GALNT13: variants seen among roughly 807,000 people sequenced by gnomAD.
GALNT13 encodes polypeptide N-acetylgalactosaminyltransferase 13.
A neutral mutation model predicts 64.2 loss-of-function variants in GALNT13; 28 were observed. That is an observed-to-expected ratio of 0.44 (90% CI 0.32 to 0.60). GALNT13 has a LOEUF of 0.60. Among genes scored for constraint, GALNT13 ranks in the 20% least tolerant of loss-of-function variants. GALNT13 has a pLI of 0.05. For synonymous variants in GALNT13, 214 were observed against 224.6 expected, an observed-to-expected ratio of 0.95 and a Z score of 0.42; for missense variants, 577 against 669.8, an observed-to-expected ratio of 0.86 and a Z score of 1.53.
At chr2:154,358,612 T>C (rs1350765145) in intron 9 of GALNT13, among the ~76,000 whole-genome samples, 2 of 152,078 alleles carry the variant, frequency 1.3e-5, no homozygotes, top group African/African-American at 4.8e-5. Context: ...TCCATGGGTT[T>C]TATTTGCTTT....
chr2:153,628,420 T>G, the GALNT13 span, among the ~76,000 whole-genome samples: 9 of 152,104 alleles, frequency 5.9e-5, no homozygotes, highest in Non-Finnish European at 1.3e-4. Flanking sequence ...CCCTGTCTTG[T>G]GCCCGTTTTC....
chr2:153,560,871 T>C, the GALNT13 span, among the ~76,000 whole-genome samples: 1 of 152,116 alleles, frequency 6.6e-6, no homozygotes, highest in African/African-American at 2.4e-5. Flanking sequence ...GGAATTTTAT[T>C]TGAATTAATT....
the GALNT13 span, among the ~76,000 whole-genome samples, chr2:153,427,120 A>C: frequency 3.2e-3 from 489 of 152,194 alleles, no homozygotes; most frequent in African/African-American, 0.011. Context: ...TATTTGTGTT[A>C]AATGTTTTTT....
chr2:154,121,589 T>G (rs1277466185), intron 3 of GALNT13, among the ~76,000 whole-genome samples: 2 of 152,164 alleles, frequency 1.3e-5, no homozygotes, highest in East Asian at 3.8e-4. Flanking sequence ...GTAAATTTAA[T>G]TGTTAAATAT....
At chr2:153,805,384 T>A in the GALNT13 span, among the ~76,000 whole-genome samples, 1 of 152,104 alleles carries the variant, frequency 6.6e-6, no homozygotes, top group Non-Finnish European at 1.5e-5. Flanking sequence ...AGCCGCTAAT[T>A]TTGTATCTAG....
At chr2:154,370,250 A>G (rs1697606827) in intron 9 of GALNT13, among the ~76,000 whole-genome samples, 1 of 152,268 alleles carries the variant, frequency 6.6e-6, no homozygotes, top group South Asian at 2.1e-4. Context: ...GGTCTTCTAG[A>G]CTAGTCTAAG....
At chr2:153,239,993 A>G in the GALNT13 span, among the ~76,000 whole-genome samples, 1 of 152,140 alleles carries the variant, frequency 6.6e-6, no homozygotes, top group Non-Finnish European at 1.5e-5. Flanking sequence ...CGCCAATCTC[A>G]TTACTTGTTA....
chr2:154,409,047 G>T lies in GALNT13; in HGVS notation c.1360G>T (p.Gly454Cys), dbSNP rs759010025. ...NMGRKENEKV[G>C]IFNCHGMGGN... ...GGGCCGCAAGGAAAATGAAAAAGTG[G>T]GTATATTCAACTGTCATGGTATGGG... Residue 454 changes from glycine (G) to cysteine (C), a missense_variant, in exon 11 of 13, where the codon GGT (glycine) becomes TGT (cysteine). Gly to Cys is a radical substitution (Grantham distance 159). Around this residue, in one of 3 missense-constraint regions of GALNT13, gnomAD observed 232 missense variants for 270.6 expected, o/e 0.86. Coordinates refer to ENST00000392825, the MANE Select transcript of GALNT13 (RefSeq NM_052917.4). 30 of 1,610,938 alleles carry T rather than the reference G, an allele frequency of 1.9e-5. No homozygotes were observed. The highest frequency in any genetic ancestry group is 2.5e-5 in the Non-Finnish European group (30 of 1,177,758).
At chr2:153,194,467 CTT>C in the GALNT13 span, among the ~76,000 whole-genome samples, 1 of 152,022 alleles carries the variant, frequency 6.6e-6, no homozygotes, top group Admixed American at 6.5e-5. Context: ...ATATCTTTCT[CTT>C]TTATATCCTG....
the GALNT13 span, among the ~76,000 whole-genome samples, chr2:153,231,522 C>A: frequency 6.6e-6 from 1 of 152,108 alleles, no homozygotes; most frequent in Non-Finnish European, 1.5e-5. Flanking sequence ...TAATAGACAT[C>A]AGAATAGACT....
At chr2:153,364,994 C>A in the GALNT13 span, among the ~76,000 whole-genome samples, 5 of 152,144 alleles carry the variant, frequency 3.3e-5, no homozygotes, top group Non-Finnish European at 1.5e-5. Context: ...TCAAACTACA[C>A]TGGAAGCCTA....
chr2:153,600,756 T>G, the GALNT13 span, among the ~76,000 whole-genome samples: 2 of 152,156 alleles, frequency 1.3e-5, no homozygotes, highest in East Asian at 3.9e-4. Context: ...GTATTTTGGG[T>G]GGTACAATTT....
the GALNT13 span, among the ~76,000 whole-genome samples, chr2:153,630,215 A>G: frequency 6.6e-6 from 1 of 152,136 alleles, no homozygotes; most frequent in South Asian, 2.1e-4. Flanking sequence ...TTATTGCAGC[A>G]CTATTCACAA....
chr2:153,246,780 C>A, the GALNT13 span, among the ~76,000 whole-genome samples: 1 of 152,176 alleles, frequency 6.6e-6, no homozygotes, highest in Non-Finnish European at 1.5e-5. Context: ...ATGAAAGGAT[C>A]AAATTCATAC....
At chr2:153,801,701 A>G in the GALNT13 span, among the ~76,000 whole-genome samples, 1 of 152,204 alleles carries the variant, frequency 6.6e-6, no homozygotes, top group Admixed American at 6.5e-5. Context: ...ACACAGAGAC[A>G]TGAACTGAGC....
intron 9 of GALNT13, among the ~76,000 whole-genome samples, chr2:154,332,155 C>A (rs1695200670): frequency 6.6e-6 from 1 of 152,026 alleles, no homozygotes; most frequent in Non-Finnish European, 1.5e-5. Flanking sequence ...ATGACCTTGT[C>A]TTTTATCTCA....
chr2:153,201,035 T>C, the GALNT13 span, among the ~76,000 whole-genome samples: 1 of 152,190 alleles, frequency 6.6e-6, no homozygotes, highest in Admixed American at 6.5e-5. Context: ...ATGTTTCTCT[T>C]AGAGAGTGAA....
At chr2:153,684,746 C>T in the GALNT13 span, among the ~76,000 whole-genome samples, 1 of 151,650 alleles carries the variant, frequency 6.6e-6, no homozygotes, top group African/African-American at 2.4e-5. Flanking sequence ...ATTATTTCAT[C>T]ACCCAGGTAT....
At chr2:154,375,122 G>A (rs948737986) in intron 9 of GALNT13, among the ~76,000 whole-genome samples, 2 of 151,992 alleles carry the variant, frequency 1.3e-5, no homozygotes, top group Non-Finnish European at 2.9e-5. Context: ...CAAGTAGCTG[G>A]GACTACAGGC....
Sources: gnomAD v4.1 joint callset for allele counts (sites outside exome capture counted in the v4.1 genomes callset) on GRCh38, gnomAD v4.1.1 for gene constraint, gnomAD v4.1.1 regional missense constraint, MANE v1.5 for transcripts, NCBI Gene and HGNC (gene_info 2026-07-23, HGNC 2026-07-21) for gene names.